The following SLC22A23 variants were observed in gnomAD, a reference collection of about 807,000 sequenced individuals.
The protein encoded by SLC22A23 is ion transporter protein.
In SLC22A23, 26 loss-of-function variants were observed where a neutral mutation model predicts 61.0. The observed-to-expected ratio is 0.43, with a 90% confidence interval of 0.31 to 0.59. The LOEUF (loss-of-function observed/expected upper bound fraction) is 0.59. Among genes scored for constraint, SLC22A23 ranks in the 20% least tolerant of loss-of-function variants. The pLI is 0.11. For synonymous variants in SLC22A23, 430 were observed against 413.9 expected, an observed-to-expected ratio of 1.04 and a Z score of -0.47; for missense variants, 796 against 934.7, an observed-to-expected ratio of 0.85 and a Z score of 1.94.
chr6:3,415,732 G>T lies in SLC22A23; in HGVS notation c.758+20C>A. ...GCTGTGGCCTCCAAAGGTTCGTGCG[G>T]CGGGCATGTTGGTACTCACCAGTCA... On this transcript the variant is annotated intron_variant, in intron 2 of 9. Transcript: ENST00000406686. 6.6e-7 allele frequency: 1 copy of T among 1,514,764 alleles called. No individual in the cohort carries two copies. Among genetic ancestry groups the T allele is most frequent in the Non-Finnish European group, 9.0e-7 (1 of 1,113,716 alleles). 93.8% of individuals were successfully genotyped at this position (1,514,764 alleles called of 1,614,324 possible). A position where few individuals can be genotyped will look rare whatever the true frequency, so the allele number is the denominator to read the frequency against.
chr6:3,295,478 A>G (rs1761004485), intron 5 of SLC22A23, among the ~76,000 whole-genome samples: 1 of 152,178 alleles, frequency 6.6e-6, no homozygotes, highest in Admixed American at 6.5e-5. Context: ...ACTGGGAGGC[A>G]CTGGAGAGGC....
chr6:3,427,832 A>C lies in SLC22A23; in HGVS notation c.655-11977T>G, dbSNP rs1770600402. Among the ~76,000 whole-genome samples, 2 of 151,790 alleles carry C rather than the reference A, an allele frequency of 1.3e-5. No individual in the cohort carries two copies. On this transcript the variant is annotated intron_variant, in intron 1 of 9. Transcript: ENST00000406686. The surrounding 1 kb of genome is among the most constrained non-coding windows in gnomAD (Gnocchi z 4.3). ...TGAACTAACTATTAATCTTCTAAAA[A>C]CACCGTGCCAAACTGGCAGCATGAC...
At chr6:3,320,375 A>G (rs1221017736) in intron 4 of SLC22A23, among the ~76,000 whole-genome samples, 1 of 152,054 alleles carries the variant, frequency 6.6e-6, no homozygotes, top group East Asian at 1.9e-4. Flanking sequence ...CTACCCCAAG[A>G]AGCCGCCCCT....
At chr6:3,440,502 T>C (rs946650008) in intron 1 of SLC22A23, among the ~76,000 whole-genome samples, 1 of 151,670 alleles carries the variant, frequency 6.6e-6, no homozygotes, top group East Asian at 1.9e-4. Flanking sequence ...GGTCAGGAGT[T>C]CGAGACCAGC....
chr6:3,449,554 A>G (rs1772069446), intron 1 of SLC22A23, among the ~76,000 whole-genome samples: 1 of 152,232 alleles, frequency 6.6e-6, no homozygotes, highest in African/African-American at 2.4e-5. Flanking sequence ...GATGGCTCAA[A>G]AACTTTCAAA....
chr6:3,456,275 A>G lies in SLC22A23; in HGVS notation c.285T>C (p.Tyr95=), dbSNP rs1350158046. The stretch of plus-strand genomic sequence containing the variant: ...AGGTGAGCAGCACGAGGGTCTTCTG[A>G]TAGCCCCCGCCCAGGCCCCCGAGGA... ...LPFLGGLGGG[Y]QKTLVLLTWI... The change falls in exon 1 of 10, where the codon TAT becomes TAC. Residue 95 remains tyrosine (Y), a synonymous_variant. Transcript: ENST00000406686. The surrounding 1 kb of genome is among the most constrained non-coding windows in gnomAD (Gnocchi z 7.1). 6.4e-7 allele frequency: 1 copy of G among 1,551,224 alleles called. No homozygotes were observed. The highest frequency in any genetic ancestry group is 1.2e-5 in the South Asian group (1 of 84,056).
At chr6:3,445,420 A>C (rs1771844979) in intron 1 of SLC22A23, among the ~76,000 whole-genome samples, 1 of 152,182 alleles carries the variant, frequency 6.6e-6, no homozygotes, top group Non-Finnish European at 1.5e-5. Context: ...GCTGGTCTCA[A>C]AACTCCTGAC....
At chr6:3,345,339 G>C (rs1002420643) in intron 3 of SLC22A23, among the ~76,000 whole-genome samples, 1 of 150,070 alleles carries the variant, frequency 6.7e-6, no homozygotes, top group Non-Finnish European at 1.5e-5. Context: ...TACAAGGAAA[G>C]TACCAGTAGT....
chr6:3,292,724 C>T (rs939897032), intron 5 of SLC22A23, among the ~76,000 whole-genome samples: 18 of 152,354 alleles, frequency 1.2e-4, no homozygotes, highest in African/African-American at 4.1e-4. Context: ...TCTGCACTTC[C>T]GGCAAAGCTA....
chr6:3,440,822 C>T (rs1356357880), intron 1 of SLC22A23, among the ~76,000 whole-genome samples: 2 of 152,132 alleles, frequency 1.3e-5, no homozygotes, highest in African/African-American at 4.8e-5. Flanking sequence ...TCAGGAGAAA[C>T]CAATCCTGCT....
intron 9 of SLC22A23, 48 bp downstream of exon 9, chr6:3,283,804 T>C: frequency 6.2e-7 from 1 of 1,609,898 alleles, no homozygotes; most frequent in African/African-American, 1.3e-5. Flanking sequence ...GGACTCGTCT[T>C]TGATTTCCGA....
In SLC22A23 at chr6:3,269,695, C is replaced by A. The variant is rs1758353071; in HGVS notation, c.*3360G>T. 6.5e-6 allele frequency: 1 copy of A among 152,850 alleles called. No homozygotes were observed. Among genetic ancestry groups the A allele is most frequent in the Admixed American group, 6.5e-5 (1 of 15,290 alleles). 9.5% of individuals were successfully genotyped at this position (152,850 alleles called of 1,614,324 possible). A position where few individuals can be genotyped will look rare whatever the true frequency, so the allele number is the denominator to read the frequency against. The stretch of plus-strand genomic sequence containing the variant: ...AGTGTTCGCCGCTAGACATGACACA[C>A]CATACTGCTTTTCCAAAACACACGG... On this transcript the variant is annotated 3_prime_UTR_variant, in exon 10 of 10. Coordinates refer to ENST00000406686, the MANE Select transcript of SLC22A23 (RefSeq NM_015482.2).
At chr6:3,355,137 TCTGCTTGGAAACAGCTCC>T (rs1265298141) in intron 3 of SLC22A23, among the ~76,000 whole-genome samples, 2 of 150,988 alleles carry the variant, frequency 1.3e-5, no homozygotes, top group Non-Finnish European at 2.9e-5. Flanking sequence ...CTACCCTCTA[TCTGCTTGGAAACAGCTCC>T]CTGTCTTTGT....
chr6:3,415,011 T>G (rs749467052), intron 2 of SLC22A23, among the ~76,000 whole-genome samples: 2 of 152,186 alleles, frequency 1.3e-5, no homozygotes, highest in Non-Finnish European at 2.9e-5. Context: ...GAGATTTTAC[T>G]TACACTTCTC....
chr6:3,334,960 C>T (rs1208179171), intron 3 of SLC22A23, among the ~76,000 whole-genome samples: 1 of 152,150 alleles, frequency 6.6e-6, no homozygotes, highest in Non-Finnish European at 1.5e-5. Context: ...CACCATATTG[C>T]CTTTGGAGAA....
intron 3 of SLC22A23, among the ~76,000 whole-genome samples, chr6:3,380,504 G>A (rs1017246014): frequency 1.3e-4 from 19 of 151,954 alleles, no homozygotes; most frequent in African/African-American, 4.1e-4. Context: ...TAGGCATTCC[G>A]GTAGATTTAA....
intron 3 of SLC22A23, among the ~76,000 whole-genome samples, chr6:3,341,700 A>G (rs1764162183): frequency 6.6e-6 from 1 of 151,988 alleles, no homozygotes; most frequent in Non-Finnish European, 1.5e-5. Flanking sequence ...GCAGAAAAGA[A>G]AAGAAGCAAA....
At chr6:3,379,492 C>T (rs1346699506) in intron 3 of SLC22A23, among the ~76,000 whole-genome samples, 1 of 152,126 alleles carries the variant, frequency 6.6e-6, no homozygotes, top group African/African-American at 2.4e-5. Context: ...TTTACACTTG[C>T]AGGGCTTAGA....
At chr6:3,359,862 A>T (rs1048959963) in intron 3 of SLC22A23, among the ~76,000 whole-genome samples, 1 of 152,224 alleles carries the variant, frequency 6.6e-6, no homozygotes, top group Non-Finnish European at 1.5e-5. Flanking sequence ...AATATAACTC[A>T]GCCTTAAAAA....
Sources: gnomAD v4.1 joint callset for allele counts (sites outside exome capture counted in the v4.1 genomes callset) on GRCh38, gnomAD v4.1.1 for gene constraint, Gnocchi (gnomAD v3.1) non-coding constraint, MANE v1.5 for transcripts, NCBI Gene and HGNC (gene_info 2026-07-23, HGNC 2026-07-21) for gene names.